The following LRP1B variants were observed in gnomAD, a reference collection of about 807,000 sequenced individuals.
LRP1B encodes the protein LDL receptor related protein 1B, also known as low-density lipoprotein receptor-related protein 1B.
LRP1B carries 217 observed loss-of-function variants against 556.6 expected under a neutral mutation model. The ratio of observed to expected loss-of-function variants is 0.39; its 90% CI spans 0.35 to 0.44. LRP1B has a LOEUF of 0.44. Ranked by LOEUF, LRP1B falls within the 20% of genes least tolerant of loss-of-function variation. LRP1B has a pLI of 1.00. For missense variants in LRP1B, 5,053 were observed against 5,620.8 expected, an observed-to-expected ratio of 0.90 and a Z score of 3.23; for synonymous variants, 2,047 against 1,865.8, an observed-to-expected ratio of 1.10 and a Z score of -2.50.
intron 7 of LRP1B, among the ~76,000 whole-genome samples, chr2:141,104,571 T>C (rs1023140169): frequency 6.6e-6 from 1 of 152,118 alleles, no homozygotes; most frequent in Non-Finnish European, 1.5e-5. Context: ...TCTTCTCCGC[T>C]AGATTCAGTC....
chr2:141,189,937 A>AAAGAAAGAAAGAAAGAAAGAAAAGG (rs1553473169), intron 6 of LRP1B, among the ~76,000 whole-genome samples: 1 of 150,314 alleles, frequency 6.7e-6, no homozygotes, highest in Non-Finnish European at 1.5e-5. Flanking sequence ...CCTTTAGAAG[A>AAAGAAAGAAAGAAAGAAAGAAAAGG]AAGAAAGAAA....
In LRP1B at chr2:141,491,879, T is replaced by C. The variant is rs550562630; in HGVS notation, c.206-11346A>G. ...TAAAAGAAAGAGGATTCTTTGTCCATCTTCTTCCTCTATAGGCTAAAATAA... is the reference window on the plus strand; with the variant it reads ...TAAAAGAAAGAGGATTCTTTGTCCACCTTCTTCCTCTATAGGCTAAAATAA... On this transcript the variant is annotated intron_variant, in intron 2 of 90. Transcript: ENST00000389484. Among the ~76,000 whole-genome samples the C allele has an allele frequency of 5.3e-5, 8 of 152,158 alleles. No homozygotes were observed. The South Asian group carries it at 1.7e-3, about 32-fold the overall frequency.
chr2:140,301,904 CACATAT>C (rs988801651), intron 83 of LRP1B, among the ~76,000 whole-genome samples: 5 of 151,720 alleles, frequency 3.3e-5, no homozygotes, highest in African/African-American at 9.7e-5. Context: ...TGTATATATA[CACATAT>C]ACATATATAT....
In LRP1B at chr2:140,234,570, G is replaced by C. The variant is rs534211840; in HGVS notation, c.13659+216C>G. 7.6e-3 allele frequency among the ~76,000 whole-genome samples: 1,156 copies of C among 151,366 alleles called. 8 individuals carry two copies. Among genetic ancestry groups the C allele is most frequent in the Non-Finnish European group, 0.013 (871 of 67,520 alleles). Reference sequence around the variant, plus strand: ...TAACATTTCCAAATCCAGTAGAAGAGATATTTCTACTTAATGGCTTGCCTA... The same window carrying C: ...TAACATTTCCAAATCCAGTAGAAGACATATTTCTACTTAATGGCTTGCCTA... On this transcript the variant is annotated intron_variant, in intron 90 of 90. Coordinates refer to ENST00000389484, the MANE Select transcript of LRP1B (RefSeq NM_018557.3).
At chr2:140,724,836 C>A (rs1287940401) in intron 35 of LRP1B, among the ~76,000 whole-genome samples, 2 of 152,102 alleles carry the variant, frequency 1.3e-5, no homozygotes, top group Non-Finnish European at 2.9e-5. Context: ...TCCCTGCCAC[C>A]CCACAACTAC....
chr2:141,544,742 T>G (rs1361680138), intron 2 of LRP1B, among the ~76,000 whole-genome samples: 1 of 152,058 alleles, frequency 6.6e-6, no homozygotes, highest in Non-Finnish European at 1.5e-5. Flanking sequence ...CATAGCTCAC[T>G]GCAGTTTTGA....
rs1475078851 is a variant in LRP1B, at chr2:141,058,980, T to C, written c.1311A>G (p.Val437=). Residue 437 remains valine (V), a synonymous_variant, in exon 9 of 91, where the codon GTA becomes GTG. Transcript: ENST00000389484. ...CAGTCCCATTAAATCGGTTTATCCTTACGATATTGTAGTTATCAGAATTGG... is the reference window on the plus strand; with the variant it reads ...CAGTCCCATTAAATCGGTTTATCCTCACGATATTGTAGTTATCAGAATTGG... The part of the protein sequence containing the change: ...YATNSDNYNI[V]RINRFNGTDI... The C allele has an allele frequency of 1.9e-6, 3 of 1,596,860 alleles. No homozygotes were observed. The highest frequency in any genetic ancestry group is 2.6e-6 in the Non-Finnish European group (3 of 1,170,504).
At chr2:141,003,040 G>A (rs551043867) in intron 15 of LRP1B, among the ~76,000 whole-genome samples, 13 of 151,454 alleles carry the variant, frequency 8.6e-5, no homozygotes, top group African/African-American at 3.2e-4. Flanking sequence ...AAAACTGAGG[G>A]TATTATTCCA....
intron 43 of LRP1B, among the ~76,000 whole-genome samples, chr2:140,578,328 A>C (rs2105127953): frequency 6.6e-6 from 1 of 152,250 alleles, no homozygotes; most frequent in South Asian, 2.1e-4. Context: ...GGACGACTTT[A>C]ACCCCTTTTA....
At chr2:141,810,560 A>G (rs1696323789) in intron 1 of LRP1B, among the ~76,000 whole-genome samples, 159 bp from the exon 2 acceptor site, 1 of 152,144 alleles carries the variant, frequency 6.6e-6, no homozygotes, top group Admixed American at 6.6e-5. Flanking sequence ...ATTTTTCTTA[A>G]TTTTAACCAC....
intron 41 of LRP1B, among the ~76,000 whole-genome samples, chr2:140,675,408 A>C (rs956563300): frequency 1.3e-5 from 2 of 152,246 alleles, no homozygotes; most frequent in Non-Finnish European, 2.9e-5. Context: ...TAAGTGAATA[A>C]TTCAACTAAA....
intron 3 of LRP1B, among the ~76,000 whole-genome samples, chr2:141,301,730 A>G (rs1303437414): frequency 6.6e-6 from 1 of 152,176 alleles, no homozygotes; most frequent in East Asian, 1.9e-4. Context: ...CATCACATAC[A>G]TACGTTGACA....
chr2:141,549,926 C>T (rs562819572), intron 2 of LRP1B, among the ~76,000 whole-genome samples: 11 of 152,232 alleles, frequency 7.2e-5, no homozygotes, highest in South Asian at 2.1e-4. Flanking sequence ...ACCTAGGAGG[C>T]GGAGGTTGCA....
chr2:140,932,731 T>C (rs1195615870), intron 20 of LRP1B, among the ~76,000 whole-genome samples: 10 of 150,864 alleles, frequency 6.6e-5, no homozygotes, highest in Non-Finnish European at 5.9e-5. Flanking sequence ...TTTTCTTAAC[T>C]AGCAGGGCAT....
chr2:141,396,909 T>C (rs758420750), intron 3 of LRP1B, among the ~76,000 whole-genome samples: 8 of 151,476 alleles, frequency 5.3e-5, no homozygotes, highest in Admixed American at 1.3e-4. Context: ...GGTCGGGAGT[T>C]TGAGACCAGC....
At chr2:141,230,784 T>G (rs536068173) in intron 5 of LRP1B, among the ~76,000 whole-genome samples, 1 of 152,314 alleles carries the variant, frequency 6.6e-6, no homozygotes, top group Non-Finnish European at 1.5e-5. Context: ...TTTTAGGTCA[T>G]TATGCAAATG....
intron 3 of LRP1B, among the ~76,000 whole-genome samples, chr2:141,324,053 CA>C (rs781330164): frequency 0.015 from 2,119 of 140,446 alleles, 46 homozygotes; most frequent in Non-Finnish European, 0.021. Flanking sequence ...CACACACACA[CA>C]CACACCTGAA....
intron 7 of LRP1B, among the ~76,000 whole-genome samples, chr2:141,136,366 C>T (rs1423308198): frequency 6.6e-6 from 1 of 151,776 alleles, no homozygotes; most frequent in East Asian, 1.9e-4. Context: ...GCAAAGTTTG[C>T]ATATGAAAAT....
intron 41 of LRP1B, among the ~76,000 whole-genome samples, chr2:140,603,233 T>A (rs1423353557): frequency 2.0e-5 from 3 of 152,044 alleles, no homozygotes; most frequent in Non-Finnish European, 4.4e-5. Flanking sequence ...AGCCTAGAGA[T>A]GACGGAAGAA....
Sources: gnomAD v4.1 joint callset for allele counts (sites outside exome capture counted in the v4.1 genomes callset) on GRCh38, gnomAD v4.1.1 for gene constraint, MANE v1.5 for transcripts, NCBI Gene and HGNC (gene_info 2026-07-23, HGNC 2026-07-21) for gene names.